The following HUNK variants were observed in gnomAD, a reference collection of about 807,000 sequenced individuals.
HUNK encodes the protein hormonally up-regulated neu tumor-associated kinase.
In HUNK, 21 loss-of-function variants were observed where a neutral mutation model predicts 61.0. The ratio of observed to expected loss-of-function variants is 0.34; its 90% confidence interval spans 0.24 to 0.50. HUNK has a LOEUF of 0.50. Ranked by LOEUF, HUNK falls within the 20% of genes least tolerant of loss-of-function variation. The pLI is 0.98. For missense variants in HUNK, 772 were observed against 945.7 expected (o/e 0.82, Z 2.41); for synonymous variants, 371 against 386.1 (o/e 0.96, Z 0.46).
chr21:31,955,426 G>GAA (rs375947112), intron 4 of HUNK, among the ~76,000 whole-genome samples: 53 of 130,480 alleles, frequency 4.1e-4, no homozygotes, highest in Middle Eastern at 3.7e-3. Context: ...CCGTCTCTAC[G>GAA]AAAAAAAAAA....
rs953327460 is a variant in HUNK, at chr21:31,923,622, C to T, written c.262-846C>T. On this transcript the variant is annotated intron_variant, in intron 1 of 10. Transcript: ENST00000270112. Reference sequence around the variant, plus strand: ...GGGAAGGGAAGGAAAAGGGTGAATACAATGGAGAGGTGACTTCCCCTAAAG... The same window carrying T: ...GGGAAGGGAAGGAAAAGGGTGAATATAATGGAGAGGTGACTTCCCCTAAAG... Among the ~76,000 whole-genome samples, 3 of 147,784 alleles carry T rather than the reference C, an allele frequency of 2.0e-5. No homozygotes were observed. The South Asian group carries it at 6.8e-4, about 33-fold the overall frequency.
At chr21:31,959,513 T>A (rs937396782) in intron 5 of HUNK, among the ~76,000 whole-genome samples, 1 of 152,218 alleles carries the variant, frequency 6.6e-6, no homozygotes, top group African/African-American at 2.4e-5. Context: ...TTTGAAAAGT[T>A]CTCTCAAGCT....
intron 8 of HUNK, 36 bp from the exon 9 acceptor site, chr21:31,990,093 G>T: frequency 6.3e-7 from 1 of 1,597,602 alleles, no homozygotes; most frequent in Non-Finnish European, 8.6e-7. Context: ...AGCAGGTGCA[G>T]ATTCTCGAAT....
intron 1 of HUNK, among the ~76,000 whole-genome samples, chr21:31,881,010 G>T (rs1295339066): frequency 6.6e-6 from 1 of 152,188 alleles, no homozygotes; most frequent in Admixed American, 6.5e-5. Flanking sequence ...TTTCCGCATC[G>T]GCCAGTCCTT....
At chr21:31,935,557 A>G (rs1475539747) in intron 2 of HUNK, among the ~76,000 whole-genome samples, 1 of 152,024 alleles carries the variant, frequency 6.6e-6, no homozygotes, top group Non-Finnish European at 1.5e-5. Context: ...TACTCCACCT[A>G]TTCATCTGTC....
rs138553447 is a variant in HUNK, at chr21:31,903,351, A to G, written c.262-21117A>G. 3.0e-4 allele frequency among the ~76,000 whole-genome samples: 45 copies of G among 152,302 alleles called. 1 individual carries two copies. The highest frequency in any genetic ancestry group is 1.0e-3 in the African/African-American group (42 of 41,554). On this transcript the variant is annotated intron_variant, in intron 1 of 10. Coordinates refer to ENST00000270112, the MANE Select transcript of HUNK (RefSeq NM_014586.2). ...CTCTCTAGAAATAATTCTTTTATTG[A>G]ACTTGACTATATAAATATTCATGGT...
chr21:31,968,923 G>T (rs2052990343), intron 6 of HUNK, among the ~76,000 whole-genome samples: 1 of 151,794 alleles, frequency 6.6e-6, no homozygotes, highest in East Asian at 1.9e-4. Context: ...CTGTCACCCA[G>T]GCTGGAGTGC....
chr21:31,880,067 G>T (rs2052294589), intron 1 of HUNK, among the ~76,000 whole-genome samples: 1 of 152,178 alleles, frequency 6.6e-6, no homozygotes, highest in African/African-American at 2.4e-5. Flanking sequence ...CCCGAGGAGG[G>T]GGATGCCTCT....
intron 6 of HUNK, among the ~76,000 whole-genome samples, chr21:31,972,488 C>G (rs1404693668): frequency 6.6e-6 from 1 of 152,104 alleles, no homozygotes; most frequent in Admixed American, 6.6e-5. Context: ...TTTGAAGATA[C>G]TGGACATAAA....
At chr21:31,889,275 T>G (rs1326289266) in intron 1 of HUNK, among the ~76,000 whole-genome samples, 2 of 152,186 alleles carry the variant, frequency 1.3e-5, no homozygotes, top group African/African-American at 4.8e-5. Context: ...AGAAAGGACA[T>G]GAGAGGCAAA....
chr21:31,873,535 C>T lies in HUNK; in HGVS notation c.-140C>T, dbSNP rs1443621173. 6.1e-5 allele frequency: 39 copies of T among 639,906 alleles called. No homozygotes were observed. The highest frequency in any genetic ancestry group is 7.2e-5 in the Non-Finnish European group (37 of 514,154). The allele number at this position is 639,906 out of a possible 1,614,324, so 39.6% of individuals were successfully genotyped here. On this transcript the variant is annotated 5_prime_UTR_variant, in exon 1 of 11. Coordinates refer to ENST00000270112, the MANE Select transcript of HUNK (RefSeq NM_014586.2). This position sits in a 1 kb window ranked among gnomAD's most constrained non-coding sequence, Gnocchi z 6.1. The stretch of plus-strand genomic sequence containing the variant: ...GCGCGGGGGGCGTGATCGCGGCGGC[C>T]CCGGGCTCTGGGTGCGGAGACCCAG...
At chr21:31,902,478 C>G (rs1198843267) in intron 1 of HUNK, among the ~76,000 whole-genome samples, 1 of 152,056 alleles carries the variant, frequency 6.6e-6, no homozygotes, top group East Asian at 1.9e-4. Flanking sequence ...CCATTGCACT[C>G]CAGCCTGGGC....
intron 5 of HUNK, among the ~76,000 whole-genome samples, chr21:31,965,711 A>G (rs1350023095): frequency 6.7e-6 from 1 of 149,156 alleles, no homozygotes; most frequent in African/African-American, 2.5e-5. Flanking sequence ...AAGCAATTCT[A>G]CCACCTCCGC....
At chr21:31,956,298 T>A (rs2052889089) in intron 4 of HUNK, among the ~76,000 whole-genome samples, 1 of 152,168 alleles carries the variant, frequency 6.6e-6, no homozygotes, top group Non-Finnish European at 1.5e-5. Context: ...ACAGGCTGGC[T>A]CAGAAGCATT....
intron 4 of HUNK, among the ~76,000 whole-genome samples, chr21:31,951,025 G>GC (rs2052845980): frequency 6.6e-6 from 1 of 151,918 alleles, no homozygotes; most frequent in African/African-American, 2.4e-5. Flanking sequence ...AGGACCCTCC[G>GC]CTAGTGAAGC....
chr21:31,889,088 T>TA (rs2052368843), intron 1 of HUNK, among the ~76,000 whole-genome samples: 1 of 152,198 alleles, frequency 6.6e-6, no homozygotes, highest in Non-Finnish European at 1.5e-5. Context: ...AGTGCATTCT[T>TA]ACGTCACACA....
intron 1 of HUNK, among the ~76,000 whole-genome samples, chr21:31,881,365 G>A (rs2052306051): frequency 6.6e-6 from 1 of 152,116 alleles, no homozygotes; most frequent in African/African-American, 2.4e-5. Flanking sequence ...GGTGGCTCAC[G>A]CGTGTAATCC....
chr21:31,976,006 G>T (rs2053046615), intron 7 of HUNK, among the ~76,000 whole-genome samples: 1 of 152,238 alleles, frequency 6.6e-6, no homozygotes. Context: ...TGCTTCCATT[G>T]TGCTTCCGCA....
chr21:31,946,407 C>T (rs1204797870), intron 4 of HUNK, among the ~76,000 whole-genome samples: 7 of 152,102 alleles, frequency 4.6e-5, no homozygotes, highest in Admixed American at 3.9e-4. Flanking sequence ...AAGAAAACCA[C>T]GTCCTGCCCT....
Sources: allele counts gnomAD v4.1 joint callset (sites outside exome capture counted in the v4.1 genomes callset), GRCh38; gene constraint gnomAD v4.1.1; non-coding constraint Gnocchi (gnomAD v3.1); transcripts MANE v1.5; gene names NCBI Gene and HGNC (gene_info 2026-07-23, HGNC 2026-07-21).